The following MDC1 variants were observed in gnomAD, a reference collection of about 807,000 sequenced individuals.
MDC1 encodes mediator of DNA damage checkpoint 1.
Under a neutral mutation model 142.5 loss-of-function variants are expected in MDC1, and 81 were observed. The ratio of observed to expected loss-of-function variants is 0.57; its 90% CI spans 0.47 to 0.68. MDC1 has a LOEUF of 0.68. Ranked by LOEUF, MDC1 falls within the 30% of genes least tolerant of loss-of-function variation. The probability of loss-of-function intolerance (pLI) is 0.00; values close to 1 mark genes in which losing one functional copy is unlikely to be tolerated. For synonymous variants in MDC1, 797 were observed against 968.4 expected (o/e 0.82, Z 3.29); for missense variants, 2,119 against 2,547.9 (o/e 0.83, Z 3.62).
Position 30,712,206 on chromosome 6 carries a change from G to A in MDC1, c.1736C>T (p.Thr579Ile). ...TAGGGAGGTGCCCTCCTCTGCATCT[G>A]TTTCACAGTCCCCATGCAGAGGCCA... is the stretch of plus-strand genomic sequence containing the variant. ...EAWPLHGDCE[T>I]DAEEGTSLTA... The change falls in exon 5 of 15, where the codon ACA becomes ATA. Residue 579 changes from threonine (T) to isoleucine (I), a missense_variant. Thr to Ile is a moderately conservative substitution (Grantham distance 89). Transcript: ENST00000376406. This position sits in a 1 kb window ranked among gnomAD's most constrained non-coding sequence, Gnocchi z 4.7. The A allele has an allele frequency of 6.2e-7, 1 of 1,612,928 alleles. No homozygotes were observed. Among genetic ancestry groups the A allele is most frequent in the South Asian group, 1.1e-5 (1 of 91,080 alleles).
Position 30,707,432 on chromosome 6 carries a change from T to G in MDC1, c.3036A>C (p.Pro1012=), listed in dbSNP as rs1319236030. The change falls in exon 9 of 15, where the codon CCA becomes CCC. Residue 1012 remains proline (P), a synonymous_variant. Coordinates refer to ENST00000376406, the MANE Select transcript of MDC1 (RefSeq NM_014641.3). ...HQKGLLNCKM[P]PAEKASRIRA... is the part of the protein sequence containing the mutation. ...TGATCCTGGAAGCCTTCTCAGCAGG[T>G]GGCATCTTGCAATTCAGGAGGCCTA... 1.2e-6 allele frequency: 2 copies of G among 1,613,082 alleles called. No homozygotes were observed. Among genetic ancestry groups the G allele is most frequent in the Non-Finnish European group, 1.7e-6 (2 of 1,180,016 alleles).
intron 2 of MDC1, among the ~76,000 whole-genome samples, chr6:30,714,657 T>G (rs1775408614): frequency 6.6e-6 from 1 of 151,960 alleles, no homozygotes. Flanking sequence ...ACTGCAGATG[T>G]GAAATGAACC....
In MDC1 at chr6:30,703,558, G is replaced by T. The variant is rs1773161271; in HGVS notation, c.5563-21C>A. Reference sequence around the variant, plus strand: ...ACATCCTGAGATTGAGAAAAATCTTGGTGGGAGTTTCAGAGCCCTGAAGTC... The same window carrying T: ...ACATCCTGAGATTGAGAAAAATCTTTGTGGGAGTTTCAGAGCCCTGAAGTC... On this transcript the variant is annotated intron_variant, in intron 10 of 14. Transcript: ENST00000376406. The surrounding 1 kb of genome is among the most constrained non-coding windows in gnomAD (Gnocchi z 4.4). 1 of 1,612,728 alleles carries T rather than the reference G, an allele frequency of 6.2e-7. No individual in the cohort carries two copies. The highest frequency in any genetic ancestry group is 1.3e-5 in the African/African-American group (1 of 74,896).
Position 30,715,729 on chromosome 6 carries a change from G to A in MDC1, c.-3-551C>T, listed in dbSNP as rs1333576854. ...GCAACTGCAAAAAATGATAATAAAA[G>A]ATGACATATATAGAAGCTTCCTATG... On this transcript the variant is annotated intron_variant, in intron 1 of 14. Transcript: ENST00000376406. The surrounding 1 kb of genome is among the most constrained non-coding windows in gnomAD (Gnocchi z 4.1). Among the ~76,000 whole-genome samples the A allele has an allele frequency of 6.6e-6, 1 of 152,152 alleles. No individual in the cohort carries two copies. The highest frequency in any genetic ancestry group is 1.5e-5 in the Non-Finnish European group (1 of 68,028).
rs1446923362 is a variant in MDC1, at chr6:30,705,597, C to G, written c.3586G>C (p.Val1196Leu). 6.2e-7 allele frequency: 1 copy of G among 1,606,308 alleles called. No homozygotes were observed. Among genetic ancestry groups the G allele is most frequent in the South Asian group, 1.1e-5 (1 of 89,578 alleles). Residue 1196 changes from valine to leucine, a missense_variant, in exon 10 of 15, where the codon GTC becomes CTC. By Grantham distance (32) the Val-to-Leu change is conservative. Coordinates refer to ENST00000376406, the MANE Select transcript of MDC1 (RefSeq NM_014641.3). The part of the protein sequence containing the change: ...VTRGRKSRSS[V>L]KTPETVVPTA... ...GGCACAACTGTTTCAGGGGTCTTGA[C>G]AGAGGATCTACTTTTTCTTCCCCTA...
At chr6:30,711,550 T>C in intron 6 of MDC1, 46 bp from the exon 7 acceptor site, 2 of 1,599,978 alleles carry the variant, frequency 1.3e-6, no homozygotes, top group Non-Finnish European at 1.7e-6. Flanking sequence ...CATACTACTG[T>C]AGGGTTCCAT....
chr6:30,701,397 C>CT (rs1301249808), intron 14 of MDC1, among the ~76,000 whole-genome samples: 1 of 139,124 alleles, frequency 7.2e-6, no homozygotes, highest in Non-Finnish European at 1.6e-5. Flanking sequence ...GAGACTCTCT[C>CT]AAAAAAAAAA....
Position 30,707,972 on chromosome 6 carries a change from G to A in MDC1, c.2607C>T (p.Thr869=), listed in dbSNP as rs775641423. 6.2e-7 allele frequency: 1 copy of A among 1,612,862 alleles called. No homozygotes were observed. The highest frequency in any genetic ancestry group is 8.5e-7 in the Non-Finnish European group (1 of 1,180,002). Residue 869 remains threonine, a synonymous_variant, in exon 8 of 15, where the codon ACC becomes ACT. Coordinates refer to ENST00000376406, the MANE Select transcript of MDC1 (RefSeq NM_014641.3). The stretch of plus-strand genomic sequence containing the variant: ...CATTTTTGTCAGATTCTTGTCTCTG[G>A]GTGTCTCTAGCTAACAACTGTTTTT... The part of the protein sequence containing the change: ...REQKQLLARD[T]QRQESDKNGE...
rs141015341 is a variant in MDC1, at chr6:30,714,123, A to G, written c.197T>C (p.Leu66Pro). Residue 66 changes from leucine (L) to proline (P), a missense_variant, in exon 3 of 15, where the codon CTG becomes CCG. Physicochemically the swap from Leu to Pro is moderately conservative, Grantham distance 98 (BLOSUM62 -3). Coordinates refer to ENST00000376406, the MANE Select transcript of MDC1 (RefSeq NM_014641.3). The part of the protein sequence containing the change: ...VGRMPDCSVA[L>P]PFPSISKQHA... ...TTGTTTGGAGATAGATGGAAAGGGC[A>G]GGGCCACAGAGCAGTCAGGCATTCG... is the stretch of plus-strand genomic sequence containing the variant. 2.5e-6 allele frequency: 4 copies of G among 1,612,314 alleles called. No individual in the cohort carries two copies. The African/African-American group carries it at 5.3e-5, about 22-fold the overall frequency.
Position 30,700,332 on chromosome 6 carries a change from TA to T in MDC1, c.*132del. On this transcript the variant is annotated 3_prime_UTR_variant, in exon 15 of 15. Transcript: ENST00000376406. ...AATCCCTTATCTTTTCATTTATTCA[TA>T]AAGATTTCTGGTCCCACCCATGTTC... 1.1e-6 allele frequency: 1 copy of T among 917,056 alleles called. No homozygotes were observed. 56.8% of individuals were successfully genotyped at this position (917,056 alleles called of 1,614,324 possible). A position where few individuals can be genotyped will look rare whatever the true frequency, so the allele number is the denominator to read the frequency against.
rs774692071 is a variant in MDC1, at chr6:30,703,048, A to G, written c.5865+56T>C. 67 of 1,587,118 alleles carry G rather than the reference A, an allele frequency of 4.2e-5. No individual in the cohort carries two copies. The highest frequency in any genetic ancestry group is 2.1e-4 in the African/African-American group (16 of 74,466). On this transcript the variant is annotated intron_variant, in intron 12 of 14. Coordinates refer to ENST00000376406, the MANE Select transcript of MDC1 (RefSeq NM_014641.3). This position sits in a 1 kb window ranked among gnomAD's most constrained non-coding sequence, Gnocchi z 4.4. ...CTTCCCTTCCACCACTTTCTAGGGC[A>G]CTATATGAGCAGTCTTGCCACTATA...
intron 9 of MDC1, among the ~76,000 whole-genome samples, 193 bp downstream of exon 9, chr6:30,707,191 T>C (rs1021554403): frequency 2.0e-5 from 3 of 151,976 alleles, no homozygotes; most frequent in Non-Finnish European, 4.4e-5. Flanking sequence ...AGGTAGGAGA[T>C]ACAACTTAGG....
Position 30,703,944 on chromosome 6 carries a change from C to T in MDC1, c.5239G>A (p.Glu1747Lys). The part of the protein sequence containing the change: ...IDHKPCSAPL[E>K]PKSQASRNQR... Reference sequence around the variant, plus strand: ...TTCCTTGAGGCCTGGGATTTAGGTTCCAAGGGTGCAGAGCAAGGCTTATGG... The same window carrying T: ...TTCCTTGAGGCCTGGGATTTAGGTTTCAAGGGTGCAGAGCAAGGCTTATGG... The change falls in exon 10 of 15, where the codon GAA becomes AAA. Residue 1747 changes from glutamate (E) to lysine (K), a missense_variant. Glu to Lys is a moderately conservative substitution (Grantham distance 56). Transcript: ENST00000376406. The surrounding 1 kb of genome is among the most constrained non-coding windows in gnomAD (Gnocchi z 4.4). 1 of 1,614,150 alleles carries T rather than the reference C, an allele frequency of 6.2e-7. No individual in the cohort carries two copies. Among genetic ancestry groups the T allele is most frequent in the Non-Finnish European group, 8.5e-7 (1 of 1,180,026 alleles).
Position 30,705,941 on chromosome 6 carries a change from G to T in MDC1, c.3242C>A (p.Thr1081Asn), listed in dbSNP as rs1472744630. The T allele has an allele frequency of 1.2e-6, 2 of 1,613,950 alleles. No individual in the cohort carries two copies. The highest frequency in any genetic ancestry group is 3.3e-5 in the Admixed American group (2 of 59,996). The change falls in exon 10 of 15, where the codon ACC (threonine) becomes AAC (asparagine). Residue 1081 changes from threonine to asparagine, a missense_variant. Thr to Asn is a moderately conservative substitution (Grantham distance 65). Transcript: ENST00000376406. ...LPSIKPTVRK[T>N]RQDGSQEAPE... ...AGCTTCCTGACTCCCATCTTGCCTG[G>T]TCTTACGAACGGTTGGCTTGATAGA...
At position 30,713,596 on chromosome 6, in the gene MDC1, C is replaced by T. The variant is rs1290766755; in HGVS notation, c.587+52G>A. The T allele has an allele frequency of 4.5e-6, 7 of 1,554,010 alleles. No individual in the cohort carries two copies. The highest frequency in any genetic ancestry group is 6.2e-6 in the Non-Finnish European group (7 of 1,130,890). On this transcript the variant is annotated intron_variant, in intron 4 of 14. Transcript: ENST00000376406. The surrounding 1 kb of genome is among the most constrained non-coding windows in gnomAD (Gnocchi z 4.9). ...TCTTTTAGAGATTGATCCTCCAGCC[C>T]CTGGTTCTTCCTCATTTTGAAGACT...
At position 30,709,471 on chromosome 6, in the gene MDC1, T is replaced by A. The variant is rs968726785; in HGVS notation, c.2222-1114A>T. ...ACAATGTACAATGATAAAACCAAGATAATTGGGATATCCACTATCTCAAAC... is the reference window on the plus strand; with the variant it reads ...ACAATGTACAATGATAAAACCAAGAAAATTGGGATATCCACTATCTCAAAC... On this transcript the variant is annotated intron_variant, in intron 7 of 14. Transcript: ENST00000376406. The surrounding 1 kb of genome is among the most constrained non-coding windows in gnomAD (Gnocchi z 4.2). 2.8e-4 allele frequency among the ~76,000 whole-genome samples: 42 copies of A among 152,262 alleles called. No individual in the cohort carries two copies. Among genetic ancestry groups the A allele is most frequent in the Non-Finnish European group, 3.7e-4 (25 of 68,038 alleles).
chr6:30,709,716 A>T lies in MDC1; in HGVS notation c.2222-1359T>A, dbSNP rs1269139179. 7.2e-5 allele frequency among the ~76,000 whole-genome samples: 11 copies of T among 152,066 alleles called. No homozygotes were observed. The highest frequency in any genetic ancestry group is 1.6e-4 in the Non-Finnish European group (11 of 68,006). ...AACCACCATTCTACTCTCTACTTCC[A>T]TGAGATCCATGTTTTTAGCTCCCAC... On this transcript the variant is annotated intron_variant, in intron 7 of 14. Transcript: ENST00000376406. The surrounding 1 kb of genome is among the most constrained non-coding windows in gnomAD (Gnocchi z 4.2).
intron 7 of MDC1, among the ~76,000 whole-genome samples, chr6:30,708,928 C>T (rs1318970329): frequency 2.0e-5 from 3 of 150,012 alleles, no homozygotes; most frequent in Admixed American, 1.3e-4. Context: ...CCTGAATAGT[C>T]TCTCATCATA....
intron 7 of MDC1, 55 bp downstream of exon 7, chr6:30,711,357 G>GA (rs899025991): frequency 7.5e-5 from 112 of 1,486,324 alleles, no homozygotes; most frequent in Non-Finnish European, 9.2e-5. Flanking sequence ...AGTGACAGAG[G>GA]AAAAAAAAGA....
Sources: allele counts gnomAD v4.1 joint callset (sites outside exome capture counted in the v4.1 genomes callset), GRCh38; gene constraint gnomAD v4.1.1; non-coding constraint Gnocchi (gnomAD v3.1); transcripts MANE v1.5; gene names NCBI Gene and HGNC (gene_info 2026-07-23, HGNC 2026-07-21).